The following NUSAP1 variants were observed in gnomAD, a reference collection of about 807,000 sequenced individuals.
NUSAP1 encodes nucleolar and spindle associated protein 1, also known as nucleolar and spindle-associated protein 1.
Under a neutral mutation model 52.8 loss-of-function variants are expected in NUSAP1, and 32 were observed. The observed-to-expected ratio is 0.61, with a 90% CI of 0.46 to 0.81. The LOEUF is 0.81. Ranked by LOEUF, NUSAP1 falls within the 40% of genes least tolerant of loss-of-function variation. NUSAP1 has a pLI of 0.00. For missense variants in NUSAP1, 499 were observed against 522.3 expected (o/e 0.96, Z 0.43); for synonymous variants, 195 against 183.1 (o/e 1.06, Z -0.52).
At chr15:41,356,617 T>G (rs555734181) in intron 5 of NUSAP1, among the ~76,000 whole-genome samples, 1 of 152,174 alleles carries the variant, frequency 6.6e-6, no homozygotes, top group East Asian at 1.9e-4. Context: ...CCTCCCAAAG[T>G]GCTGGGATTC....
In NUSAP1 at chr15:41,365,556, G is replaced by A. The variant is rs763511105; in HGVS notation, c.815G>A (p.Arg272His). The A allele has an allele frequency of 8.7e-6, 14 of 1,610,736 alleles. No individual in the cohort carries two copies. The highest frequency in any genetic ancestry group is 1.6e-4 in the Middle Eastern group (1 of 6,070). Residue 272 changes from arginine (R) to histidine (H), a missense_variant, in exon 7 of 11, where the codon CGC (arginine) becomes CAC (histidine). Coordinates refer to ENST00000559596, the MANE Select transcript of NUSAP1 (RefSeq NM_016359.5). ...STLGLKGSLK[R>H]SAISAAKTGV... is the part of the protein sequence containing the mutation. Reference sequence around the variant, plus strand: ...TTGGGTCTGAAGGGGTCACTCAAGCGCTCTGCTATCTCTGCAGCTAAAACG... The same window carrying A: ...TTGGGTCTGAAGGGGTCACTCAAGCACTCTGCTATCTCTGCAGCTAAAACG...
At chr15:41,340,918 T>C (rs1204164075) in intron 1 of NUSAP1, among the ~76,000 whole-genome samples, 1 of 152,170 alleles carries the variant, frequency 6.6e-6, no homozygotes, top group Admixed American at 6.6e-5. Flanking sequence ...ATCTCTGCTA[T>C]TCTCTACTGG....
At chr15:41,349,967 A>G (rs1466403032) in intron 3 of NUSAP1, among the ~76,000 whole-genome samples, 1 of 151,774 alleles carries the variant, frequency 6.6e-6, no homozygotes, top group Non-Finnish European at 1.5e-5. Flanking sequence ...AGATTTCACC[A>G]TGTTGGCTGG....
At chr15:41,366,352 G>C (rs574845226) in intron 7 of NUSAP1, among the ~76,000 whole-genome samples, 38 of 146,436 alleles carry the variant, frequency 2.6e-4, no homozygotes, top group African/African-American at 8.9e-4. Context: ...GTGCAGTGAC[G>C]AGATCTTGAC....
chr15:41,364,279 G>A (rs1228664834), intron 6 of NUSAP1, among the ~76,000 whole-genome samples: 2 of 152,120 alleles, frequency 1.3e-5, no homozygotes, highest in Non-Finnish European at 1.5e-5. Context: ...TGGGCGTGGT[G>A]GCTCACACCT....
intron 10 of NUSAP1, among the ~76,000 whole-genome samples, chr15:41,378,943 G>GGTTTTTTTT (rs2050089409): frequency 1.6e-5 from 1 of 62,824 alleles, no homozygotes; most frequent in African/African-American, 9.7e-5. Context: ...AACTTATCTT[G>GGTTTTTTTT]GTTTTTTTTT....
At chr15:41,350,567 A>C (rs924852793) in intron 3 of NUSAP1, among the ~76,000 whole-genome samples, 3 of 152,174 alleles carry the variant, frequency 2.0e-5, no homozygotes, top group Non-Finnish European at 2.9e-5. Flanking sequence ...AACTGTCTTC[A>C]AAGTGAGCTA....
rs2049037075 is a variant in NUSAP1, at chr15:41,358,164, A to G, written c.566A>G (p.His189Arg). 1 of 1,518,610 alleles carries G rather than the reference A, an allele frequency of 6.6e-7. No individual in the cohort carries two copies. The highest frequency in any genetic ancestry group is 1.2e-5 in the South Asian group (1 of 85,196). 94.1% of individuals were successfully genotyped at this position (1,518,610 alleles called of 1,614,324 possible). The change falls in exon 6 of 11, where the codon CAT becomes CGT. Residue 189 changes from histidine to arginine, a missense_variant. Physicochemically the swap from His to Arg is conservative, Grantham distance 29. Coordinates refer to ENST00000559596, the MANE Select transcript of NUSAP1 (RefSeq NM_016359.5). ...AACATTCTAGACTTTAAGAAGCTTC[A>G]TGAAGCTCATTTTAAGGAAATGGAG... ...AITTPNFKKL[H>R]EAHFKEMESI...
intron 1 of NUSAP1, among the ~76,000 whole-genome samples, chr15:41,339,632 A>G (rs1311430893): frequency 2.0e-5 from 3 of 151,778 alleles, no homozygotes; most frequent in Non-Finnish European, 4.4e-5. Context: ...CTGGTCTGGA[A>G]CTCCTGAACT....
intron 2 of NUSAP1, chr15:41,345,529 G>A (rs1344289311): frequency 2.5e-6 from 1 of 402,706 alleles, no homozygotes. Context: ...ACACGATCTC[G>A]GCTCACCGCA....
In NUSAP1 at chr15:41,345,657, C is replaced by A. The variant is rs1005200068; in HGVS notation, c.162+3203C>A. 4 of 265,252 alleles carry A rather than the reference C, an allele frequency of 1.5e-5. No individual in the cohort carries two copies. The Admixed American group carries it at 1.6e-4, about 11-fold the overall frequency. 16.4% of individuals were successfully genotyped at this position (265,252 alleles called of 1,614,324 possible). ...TATTTTTAGTAGAGACGGGGTTTCA[C>A]ATGTTTGTCAGGCTGGTCTCAAACT... is the stretch of plus-strand genomic sequence containing the variant. On this transcript the variant is annotated intron_variant, in intron 2 of 10. Coordinates refer to ENST00000559596, the MANE Select transcript of NUSAP1 (RefSeq NM_016359.5).
chr15:41,361,980 T>A (rs190424171), intron 6 of NUSAP1, among the ~76,000 whole-genome samples: 10 of 152,300 alleles, frequency 6.6e-5, no homozygotes, highest in Admixed American at 2.0e-4. Context: ...ATTCTGGCCA[T>A]GACAGCCTCT....
rs970878350 is a variant in NUSAP1, at chr15:41,358,978, C to T, written c.660+720C>T. ...GGCTTTCAGTCCAGGTTCCACAGGA[C>T]TCAAAGCCTCCTCAAGTAAGAGAAG... is the stretch of plus-strand genomic sequence containing the variant. On this transcript the variant is annotated intron_variant, in intron 6 of 10. Transcript: ENST00000559596. Among the ~76,000 whole-genome samples, 12 of 152,250 alleles carry T rather than the reference C, an allele frequency of 7.9e-5. No individual in the cohort carries two copies. In the East Asian group the frequency reaches 2.3e-3, roughly 29 times the overall value.
chr15:41,344,962 A>G (rs969507980), intron 2 of NUSAP1, among the ~76,000 whole-genome samples: 1 of 151,928 alleles, frequency 6.6e-6, no homozygotes, highest in Non-Finnish European at 1.5e-5. Flanking sequence ...AAAAAAAACC[A>G]CCGCACTTAT....
intron 6 of NUSAP1, among the ~76,000 whole-genome samples, chr15:41,364,402 C>G (rs1057335045): frequency 6.6e-6 from 1 of 151,068 alleles, no homozygotes; most frequent in Non-Finnish European, 1.5e-5. Context: ...AAAAATTAGT[C>G]GAGTGTGGTG....
intron 9 of NUSAP1, 129 bp downstream of exon 9, chr15:41,375,957 T>G (rs2049915828): frequency 1.6e-6 from 1 of 620,576 alleles, no homozygotes; most frequent in Admixed American, 2.6e-5. Context: ...TCCCAGATAC[T>G]TAGGATGCTG....
intron 2 of NUSAP1, among the ~76,000 whole-genome samples, chr15:41,343,751 A>G (rs2048452648): frequency 6.6e-6 from 1 of 151,794 alleles, no homozygotes; most frequent in Non-Finnish European, 1.5e-5. Flanking sequence ...TCAGCCTCCC[A>G]AAGTGCTGGG....
chr15:41,380,367 A>G lies in NUSAP1; in HGVS notation c.*181A>G. ...ATCTCTGAAAAGACGTTATCACCTT[A>G]AAGCTCAAATTCTTTGGGATGGTTT... On this transcript the variant is annotated 3_prime_UTR_variant, in exon 11 of 11. Transcript: ENST00000559596. The G allele has an allele frequency of 2.2e-6, 1 of 450,216 alleles. No individual in the cohort carries two copies. The highest frequency in any genetic ancestry group is 3.2e-5 in the South Asian group (1 of 31,368). 27.9% of individuals were successfully genotyped at this position (450,216 alleles called of 1,614,324 possible).
intron 7 of NUSAP1, among the ~76,000 whole-genome samples, chr15:41,366,331 C>T (rs2049411411): frequency 6.7e-6 from 1 of 149,008 alleles, no homozygotes; most frequent in Admixed American, 6.7e-5. Flanking sequence ...CACTCCATTG[C>T]CCAGGCTGGA....
Sources: gnomAD v4.1 joint callset for allele counts (sites outside exome capture counted in the v4.1 genomes callset) on GRCh38, gnomAD v4.1.1 for gene constraint, MANE v1.5 for transcripts, NCBI Gene and HGNC (gene_info 2026-07-23, HGNC 2026-07-21) for gene names.